Variants in ERI1 observed in about 807,000 individuals in gnomAD.
The protein encoded by ERI1 is 3'-5' exoribonuclease 1.
In ERI1, 39 loss-of-function variants were observed where a neutral mutation model predicts 39.7. The ratio of observed to expected loss-of-function variants is 0.98; its 90% confidence interval spans 0.76 to 1.28. The LOEUF (loss-of-function observed/expected upper bound fraction) is 1.28. Ranked by LOEUF, ERI1 falls within the 50% of genes most tolerant of loss-of-function variation. ERI1 has a pLI of 0.00. For missense variants in ERI1, 581 were observed against 416.9 expected (o/e 1.39, Z -3.43); for synonymous variants, 204 against 149.6 (o/e 1.36, Z -2.65).
chr8:9,036,473 C>T (rs1054236761), downstream of ERI1, among the ~76,000 whole-genome samples: 2 of 152,154 alleles, frequency 1.3e-5, no homozygotes, highest in African/African-American at 4.8e-5. Context: ...GAAATTTAAT[C>T]TTTAAGGTAT....
chr8:9,044,775 G>A (rs17155149), intron 3 of ERI1, among the ~76,000 whole-genome samples: 6,474 of 152,078 alleles, frequency 0.043, 448 homozygotes, highest in African/African-American at 0.15. Flanking sequence ...TATTTTCCCA[G>A]TGGAGTTCTC....
chr8:9,062,531 C>A (rs1363021673), intron 3 of ERI1: 8 of 146,046 alleles, frequency 5.5e-5, no homozygotes, highest in Admixed American at 7.3e-5. Flanking sequence ...TCAATACTTA[C>A]AACAGTTATG....
intron 1 of ERI1, among the ~76,000 whole-genome samples, chr8:9,005,838 T>C (rs1214653414): frequency 6.6e-6 from 1 of 152,228 alleles, no homozygotes. Flanking sequence ...AGTAAACCTC[T>C]GTTTGGTATA....
rs112374478 is a variant in ERI1 at position 9,015,435 on chromosome 8, A to G, written c.499-887A>G. ...TTACTGGCTAGAGGAAAAAGCACTT[A>G]GAGATCGGAGCCTGATAACAATACT... On this transcript the variant is annotated intron_variant, in intron 3 of 6. Coordinates refer to ENST00000250263, the MANE Select transcript of ERI1 (RefSeq NM_153332.4). Among the ~76,000 whole-genome samples, 284 of 152,290 alleles carry G rather than the reference A, an allele frequency of 1.9e-3. 1 individual carries two copies. Among genetic ancestry groups the G allele is most frequent in the Non-Finnish European group, 3.2e-3 (216 of 68,022 alleles).
intron 3 of ERI1, among the ~76,000 whole-genome samples, chr8:9,099,598 CAAAAAAAA>C (rs752054721): frequency 3.3e-5 from 3 of 90,514 alleles, no homozygotes; most frequent in Admixed American, 2.5e-4. Context: ...CTCTCTCTCT[CAAAAAAAA>C]AAAAAAAAAG....
At chr8:9,065,542 A>G (rs1275475454) in intron 3 of ERI1, among the ~76,000 whole-genome samples, 1 of 151,970 alleles carries the variant, frequency 6.6e-6, no homozygotes, top group Non-Finnish European at 1.5e-5. Context: ...AAAAATACAA[A>G]AAATTAGCCA....
chr8:9,011,294 T>C (rs1270623983), intron 2 of ERI1, among the ~76,000 whole-genome samples: 1 of 152,160 alleles, frequency 6.6e-6, no homozygotes, highest in Non-Finnish European at 1.5e-5. Context: ...TTGGAGAAAA[T>C]ACTGTTATAT....
intron 3 of ERI1, among the ~76,000 whole-genome samples, chr8:9,052,154 G>A (rs1798376746): frequency 6.6e-6 from 1 of 152,170 alleles, no homozygotes; most frequent in African/African-American, 2.4e-5. Flanking sequence ...TATTACACGG[G>A]TCTGCCCAAG....
intron 1 of ERI1, chr8:9,004,054 T>G (rs1815682361): frequency 7.8e-7 from 1 of 1,288,138 alleles, no homozygotes; most frequent in Non-Finnish European, 1.0e-6. Flanking sequence ...CTCACACAGT[T>G]TTTTCCCTTT....
At chr8:9,025,897 A>C (rs1449357742) in intron 6 of ERI1, among the ~76,000 whole-genome samples, 1 of 152,192 alleles carries the variant, frequency 6.6e-6, no homozygotes, top group Non-Finnish European at 1.5e-5. Context: ...TTTGTTTCAT[A>C]TATACCTCAT....
chr8:9,036,078 G>GA (rs1377468972), downstream of ERI1, among the ~76,000 whole-genome samples: 1 of 152,180 alleles, frequency 6.6e-6, no homozygotes, highest in Non-Finnish European at 1.5e-5. Context: ...GATAAGCAAA[G>GA]AAAGTGATTT....
At chr8:9,077,278 C>T (rs1351214056) in intron 3 of ERI1, among the ~76,000 whole-genome samples, 1 of 152,166 alleles carries the variant, frequency 6.6e-6, no homozygotes, top group African/African-American at 2.4e-5. Flanking sequence ...TGTTGAAAAC[C>T]TTCAGGGCCC....
chr8:9,087,861 C>G (rs954774021), intron 3 of ERI1, among the ~76,000 whole-genome samples: 1 of 152,150 alleles, frequency 6.6e-6, no homozygotes, highest in African/African-American at 2.4e-5. Flanking sequence ...TTCCTCATTT[C>G]CTGGGTGGGA....
At chr8:9,017,257 G>A (rs549377732) in intron 4 of ERI1, among the ~76,000 whole-genome samples, 37 of 152,056 alleles carry the variant, frequency 2.4e-4, no homozygotes, top group Middle Eastern at 3.4e-3. Context: ...GGCCAAGGTG[G>A]TCTTGAAGAA....
At chr8:9,060,902 T>C (rs1185612758) in intron 3 of ERI1, among the ~76,000 whole-genome samples, 2 of 152,246 alleles carry the variant, frequency 1.3e-5, no homozygotes. Context: ...GCAGAGTTTT[T>C]ATTAAAGAGG....
At chr8:9,004,344 A>T in intron 1 of ERI1, 2 of 1,055,332 alleles carry the variant, frequency 1.9e-6, no homozygotes, top group Non-Finnish European at 2.4e-6. Context: ...TAGTAAAAGA[A>T]GTGTGTTTGA....
chr8:9,064,829 CTTTG>C (rs1246400375), intron 3 of ERI1, among the ~76,000 whole-genome samples: 1 of 152,218 alleles, frequency 6.6e-6, no homozygotes, highest in African/African-American at 2.4e-5. Flanking sequence ...ACCAAACAGG[CTTTG>C]TGTGAGCAAC....
chr8:9,071,574 T>C (rs1358849495), intron 3 of ERI1, among the ~76,000 whole-genome samples: 2 of 152,240 alleles, frequency 1.3e-5, no homozygotes, highest in African/African-American at 4.8e-5. Context: ...ATCTGAGGAA[T>C]GCTTTCTCCA....
rs757791503 is a variant in ERI1, at chr8:9,003,020, C to G, written c.-44C>G. On this transcript the variant is annotated 5_prime_UTR_variant, in exon 1 of 7. Coordinates refer to ENST00000250263, the MANE Select transcript of ERI1 (RefSeq NM_153332.4). ...TCGGGCTCTGCAGAGTGAGAGTTAG[C>G]AAGTGTCCGGCTCCAGCAACTCTCC... 2.6e-6 allele frequency: 3 copies of G among 1,158,016 alleles called. No homozygotes were observed. The highest frequency in any genetic ancestry group is 3.3e-6 in the Non-Finnish European group (3 of 908,250). The allele number at this position is 1,158,016 out of a possible 1,614,324, so 71.7% of individuals were successfully genotyped here.
Sources: allele counts gnomAD v4.1 joint callset (sites outside exome capture counted in the v4.1 genomes callset), GRCh38; gene constraint gnomAD v4.1.1; transcripts MANE v1.5; gene names NCBI Gene and HGNC (gene_info 2026-07-23, HGNC 2026-07-21).